The following DCTD variants were observed in gnomAD, a reference collection of about 807,000 sequenced individuals.
DCTD encodes the protein dCMP deaminase, also known as deoxycytidylate deaminase.
DCTD carries 23 observed loss-of-function variants against 21.0 expected under a neutral mutation model. That is an observed-to-expected ratio of 1.09 (90% CI 0.79 to 1.55). DCTD has a LOEUF of 1.55. DCTD is among the 40% of genes most tolerant of loss of function. The pLI is 0.00. For missense variants in DCTD, 224 were observed against 230.0 expected (o/e 0.97, Z 0.17); for synonymous variants, 71 against 81.1 (o/e 0.88, Z 0.67).
At chr4:182,891,927 T>C (rs923103957) in intron 5 of DCTD, among the ~76,000 whole-genome samples, 8 of 151,912 alleles carry the variant, frequency 5.3e-5, no homozygotes, top group Admixed American at 5.3e-4. Context: ...ATTTTTCAAA[T>C]TACATTCTAA....
intron 3 of DCTD, among the ~76,000 whole-genome samples, chr4:182,907,375 C>T (rs964873114): frequency 1.3e-5 from 2 of 152,182 alleles, no homozygotes; most frequent in Admixed American, 6.5e-5. Flanking sequence ...TGAACTCGAA[C>T]GATCCACCTG....
At chr4:182,891,773 C>T (rs555975515) in intron 5 of DCTD, among the ~76,000 whole-genome samples, 48 of 152,182 alleles carry the variant, frequency 3.2e-4, no homozygotes, top group East Asian at 2.3e-3. Flanking sequence ...ACATGATATC[C>T]GATTACTAGT....
At chr4:182,897,666 G>A (rs1734983041) in intron 3 of DCTD, among the ~76,000 whole-genome samples, 1 of 152,208 alleles carries the variant, frequency 6.6e-6, no homozygotes, top group Non-Finnish European at 1.5e-5. Flanking sequence ...GGTGGAGGGT[G>A]TAAGATCAGC....
rs757569331 is a variant in DCTD, at chr4:182,894,548, C to T, written c.302G>A (p.Cys101Tyr). ...MNKNSTDVKG[C>Y]SMYVALFPCN... is the part of the protein sequence containing the mutation. ...AGGGAACAAGGCAACATACATACTA[C>T]AGCCTTTCACATCGGTCGAATTTTT... Residue 101 changes from cysteine to tyrosine, a missense_variant, in exon 4 of 6, where the codon TGT (cysteine) becomes TAT (tyrosine). By Grantham distance (194) the Cys-to-Tyr change is radical (BLOSUM62 -2). Coordinates refer to ENST00000438320, the MANE Select transcript of DCTD (RefSeq NM_001921.3). 13 of 1,614,028 alleles carry T rather than the reference C, an allele frequency of 8.1e-6. No homozygotes were observed. Among genetic ancestry groups the T allele is most frequent in the Admixed American group, 1.7e-5 (1 of 60,010 alleles).
chr4:182,904,899 G>A (rs1005495443), intron 3 of DCTD, among the ~76,000 whole-genome samples: 3 of 152,150 alleles, frequency 2.0e-5, no homozygotes, highest in African/African-American at 7.2e-5. Context: ...TCACAGCCTT[G>A]AGCACCTTGC....
At chr4:182,903,681 G>A (rs1299850598) in intron 3 of DCTD, among the ~76,000 whole-genome samples, 1 of 151,424 alleles carries the variant, frequency 6.6e-6, no homozygotes, top group African/African-American at 2.4e-5. Flanking sequence ...CACCCAGGGT[G>A]CCCATCCGCC....
In DCTD at chr4:182,915,002, C is replaced by G; in HGVS notation, c.165G>C (p.Gly55=). Residue 55 remains glycine (G), a synonymous_variant, in exon 3 of 6, where the codon GGG becomes GGC. Coordinates refer to ENST00000438320, the MANE Select transcript of DCTD (RefSeq NM_001921.3). ...ENKIVGIGYN[G]MPNGCSDDVL... ...CGTCATCACTGCACCCATTTGGCAT[C>G]CCATTGTACCCAATCCCGACAATCT... 6.2e-7 allele frequency: 1 copy of G among 1,614,186 alleles called. No individual in the cohort carries two copies. The highest frequency in any genetic ancestry group is 8.5e-7 in the Non-Finnish European group (1 of 1,180,020).
At chr4:182,916,982 C>T in intron 1 of DCTD, 3 of 990,984 alleles carry the variant, frequency 3.0e-6, no homozygotes, top group Non-Finnish European at 3.6e-6. Flanking sequence ...CTACACCCGG[C>T]ATTCCCAACC....
chr4:182,906,349 A>G (rs192210962), intron 3 of DCTD, among the ~76,000 whole-genome samples: 1 of 152,268 alleles, frequency 6.6e-6, no homozygotes, highest in East Asian at 1.9e-4. Context: ...TTGTTTCATT[A>G]ATGTCTACCT....
At chr4:182,903,956 C>T (rs1736202101) in intron 3 of DCTD, among the ~76,000 whole-genome samples, 1 of 152,194 alleles carries the variant, frequency 6.6e-6, no homozygotes, top group African/African-American at 2.4e-5. Context: ...AGACAAGCTA[C>T]TTGCTACATG....
At chr4:182,893,967 G>A (rs891860693) in intron 4 of DCTD, among the ~76,000 whole-genome samples, 3 of 152,226 alleles carry the variant, frequency 2.0e-5, no homozygotes, top group Non-Finnish European at 4.4e-5. Flanking sequence ...TGAAAAAGGC[G>A]AAATATTCAG....
intron 3 of DCTD, among the ~76,000 whole-genome samples, chr4:182,899,756 T>C (rs1005059172): frequency 5.3e-5 from 8 of 152,172 alleles, no homozygotes; most frequent in African/African-American, 1.9e-4. Flanking sequence ...CAGATCCATC[T>C]GTAAAACCTG....
intron 3 of DCTD, among the ~76,000 whole-genome samples, chr4:182,895,011 C>T (rs754091031): frequency 2.8e-4 from 42 of 152,246 alleles, no homozygotes; most frequent in Admixed American, 1.1e-3. Flanking sequence ...CAACAAGTGA[C>T]GAAGCTGAGC....
chr4:182,891,159 C>G lies in DCTD; in HGVS notation c.*240G>C, dbSNP rs1238258371. ...AGAAGGGGAGGCACTCTCGTTCTAGCCCTGTGCACCAGGCCACCACAGGCT... is the reference window on the plus strand; with the variant it reads ...AGAAGGGGAGGCACTCTCGTTCTAGGCCTGTGCACCAGGCCACCACAGGCT... On this transcript the variant is annotated 3_prime_UTR_variant, in exon 6 of 6. Transcript: ENST00000438320. 5.8e-5 allele frequency: 26 copies of G among 447,126 alleles called. 1 individual carries two copies. The East Asian group carries it at 9.1e-4, about 16-fold the overall frequency. The allele number at this position is 447,126 out of a possible 1,614,324, so 27.7% of individuals were successfully genotyped here.
At chr4:182,895,018 G>C (rs533075575) in intron 3 of DCTD, among the ~76,000 whole-genome samples, 169 of 152,242 alleles carry the variant, frequency 1.1e-3, no homozygotes, top group Non-Finnish European at 2.0e-3. Flanking sequence ...TGACGAAGCT[G>C]AGCGTGTCCA....
At chr4:182,892,638 G>A (rs1283961387) in intron 5 of DCTD, among the ~76,000 whole-genome samples, 3 of 132,418 alleles carry the variant, frequency 2.3e-5, no homozygotes, top group Admixed American at 7.8e-5. Context: ...AAAAAAAAAA[G>A]AGAGAATCCC....
chr4:182,913,824 T>C (rs544461078), intron 3 of DCTD, among the ~76,000 whole-genome samples: 2 of 152,338 alleles, frequency 1.3e-5, no homozygotes, highest in African/African-American at 2.4e-5. Context: ...AGTAAAGCTA[T>C]GGCTGGACCC....
At position 182,917,154 on chromosome 4, in the gene DCTD, G is replaced by T. The variant is rs1738885198; in HGVS notation, c.-8+157C>A. 1 of 987,636 alleles carries T rather than the reference G, an allele frequency of 1.0e-6. No individual in the cohort carries two copies. Among genetic ancestry groups the T allele is most frequent in the Non-Finnish European group, 1.2e-6 (1 of 832,044 alleles). The allele number at this position is 987,636 out of a possible 1,614,324, so 61.2% of individuals were successfully genotyped here. A position where few individuals can be genotyped will look rare whatever the true frequency, so the allele number is the denominator to read the frequency against. On this transcript the variant is annotated intron_variant, in intron 1 of 5. Coordinates refer to ENST00000438320, the MANE Select transcript of DCTD (RefSeq NM_001921.3). The surrounding 1 kb of genome is among the most constrained non-coding windows in gnomAD (Gnocchi z 4.9). The stretch of plus-strand genomic sequence containing the variant: ...CGCCCCCACCCCGCCCGCATTCTCC[G>T]ATCTAAAGGCTGAGCGCGGCCGAGG...
chr4:182,904,340 C>T (rs1474299139), intron 3 of DCTD, among the ~76,000 whole-genome samples: 1 of 152,196 alleles, frequency 6.6e-6, no homozygotes, highest in Admixed American at 6.5e-5. Flanking sequence ...CATGCCAACT[C>T]CCTTCCCACT....
Sources: gnomAD v4.1 joint callset for allele counts (sites outside exome capture counted in the v4.1 genomes callset) on GRCh38, gnomAD v4.1.1 for gene constraint, Gnocchi (gnomAD v3.1) non-coding constraint, MANE v1.5 for transcripts, NCBI Gene and HGNC (gene_info 2026-07-23, HGNC 2026-07-21) for gene names.